PHKB: variants seen among roughly 807,000 people sequenced by gnomAD.
The protein encoded by PHKB is phosphorylase b kinase regulatory subunit beta.
Under a neutral mutation model 152.1 loss-of-function variants are expected in PHKB, and 122 were observed. The observed-to-expected ratio is 0.80, with a 90% CI of 0.69 to 0.93. The LOEUF is 0.93. Ranked by LOEUF, PHKB falls within the 40% of genes least tolerant of loss-of-function variation. PHKB has a pLI of 0.00. For synonymous variants in PHKB, 436 were observed against 464.9 expected, an observed-to-expected ratio of 0.94 and a Z score of 0.80; for missense variants, 1,304 against 1,328.4, an observed-to-expected ratio of 0.98 and a Z score of 0.29.
At chr16:47,493,169 G>A (rs1488588428) in intron 1 of PHKB, among the ~76,000 whole-genome samples, 1 of 152,122 alleles carries the variant, frequency 6.6e-6, no homozygotes, top group Non-Finnish European at 1.5e-5. Context: ...AGTTCTCTGG[G>A]GACCTCTTTA....
At chr16:47,497,274 G>A (rs1176778297) in intron 1 of PHKB, 125 bp from the exon 2 acceptor site, 2 of 684,810 alleles carry the variant, frequency 2.9e-6, no homozygotes, top group African/African-American at 3.6e-5. Flanking sequence ...AAGTAGTAAA[G>A]TATGGTACTT....
chr16:47,648,106 G>GA (rs1190581959), intron 16 of PHKB, among the ~76,000 whole-genome samples: 1 of 151,980 alleles, frequency 6.6e-6, no homozygotes, highest in African/African-American at 2.4e-5. Flanking sequence ...TATATAATCA[G>GA]AAAAAATCAA....
intron 14 of PHKB, among the ~76,000 whole-genome samples, chr16:47,636,709 G>A (rs940690195): frequency 2.0e-5 from 3 of 152,206 alleles, no homozygotes; most frequent in African/African-American, 4.8e-5. Context: ...GAGGGAGGCC[G>A]GTGGGGCTAA....
intron 7 of PHKB, among the ~76,000 whole-genome samples, chr16:47,554,829 G>A (rs1030436798): frequency 5.3e-5 from 8 of 152,108 alleles, no homozygotes; most frequent in African/African-American, 1.4e-4. Context: ...GCTTCAGCTC[G>A]CTCTCTGTGG....
intron 14 of PHKB, among the ~76,000 whole-genome samples, chr16:47,621,268 A>G (rs1859874554): frequency 6.6e-6 from 1 of 152,174 alleles, no homozygotes; most frequent in African/African-American, 2.4e-5. Context: ...GTAGGGAGTT[A>G]AAAAGGAATT....
At chr16:47,684,527 G>A (rs1973925799) in intron 26 of PHKB, among the ~76,000 whole-genome samples, 1 of 152,182 alleles carries the variant, frequency 6.6e-6, no homozygotes, top group African/African-American at 2.4e-5. Context: ...AGCACTCTGG[G>A]AGGCCAAGGT....
At chr16:47,558,798 C>T (rs991355450) in intron 7 of PHKB, among the ~76,000 whole-genome samples, 1 of 152,246 alleles carries the variant, frequency 6.6e-6, no homozygotes, top group African/African-American at 2.4e-5. Context: ...GTCTTGCCCA[C>T]CTTGGCCTCC....
intron 7 of PHKB, chr16:47,565,110 C>T: frequency 2.0e-6 from 1 of 504,242 alleles, no homozygotes; most frequent in South Asian, 1.5e-5. Flanking sequence ...CCCTCGTTTT[C>T]ATTTTCACCA....
chr16:47,543,211 G>A (rs1194157202), intron 6 of PHKB, among the ~76,000 whole-genome samples: 2 of 152,170 alleles, frequency 1.3e-5, no homozygotes, highest in Non-Finnish European at 2.9e-5. Context: ...TTAGCATGAA[G>A]GGCTGTTGGA....
At chr16:47,471,688 G>T (rs1445815674) in intron 1 of PHKB, among the ~76,000 whole-genome samples, 5 of 152,162 alleles carry the variant, frequency 3.3e-5, no homozygotes, top group Admixed American at 3.3e-4. Flanking sequence ...ACTTTTGGAA[G>T]AATATTCCTG....
chr16:47,649,296 T>G, intron 18 of PHKB, 92 bp downstream of exon 18: 1 of 787,826 alleles, frequency 1.3e-6, no homozygotes, highest in Non-Finnish European at 2.3e-6. Flanking sequence ...CAGGTATCTG[T>G]GACACTGGGT....
At chr16:47,599,965 T>C (rs1403230754) in intron 13 of PHKB, among the ~76,000 whole-genome samples, 1 of 152,224 alleles carries the variant, frequency 6.6e-6, no homozygotes, top group Non-Finnish European at 1.5e-5. Context: ...TTAAAAAGTC[T>C]TTATTCATTA....
intron 6 of PHKB, among the ~76,000 whole-genome samples, chr16:47,534,777 T>A (rs768868373): frequency 2.6e-5 from 4 of 152,256 alleles, no homozygotes; most frequent in Non-Finnish European, 5.9e-5. Flanking sequence ...AATCCTGTGC[T>A]ATGGTGCTTT....
intron 26 of PHKB, among the ~76,000 whole-genome samples, chr16:47,673,019 G>A (rs1483034354): frequency 1.3e-5 from 2 of 151,978 alleles, no homozygotes; most frequent in Admixed American, 6.6e-5. Context: ...TTCTCATTGC[G>A]AGTATTAATA....
chr16:47,565,177 C>T (rs2151684099), intron 7 of PHKB: 2 of 579,372 alleles, frequency 3.5e-6, no homozygotes, highest in Admixed American at 4.0e-5. Context: ...CTAGATTTTC[C>T]TTGGGTTTAT....
chr16:47,489,505 A>G (rs1463161024), intron 1 of PHKB, among the ~76,000 whole-genome samples: 1 of 152,174 alleles, frequency 6.6e-6, no homozygotes, highest in Non-Finnish European at 1.5e-5. Flanking sequence ...GGCTTTTTAG[A>G]TTGGTTTCGA....
intron 10 of PHKB, among the ~76,000 whole-genome samples, chr16:47,591,238 G>A (rs933345334): frequency 9.9e-5 from 15 of 151,918 alleles, no homozygotes; most frequent in African/African-American, 3.6e-4. Flanking sequence ...CCCTTCCTCA[G>A]CCCTTTCCCT....
chr16:47,567,890 A>G (rs1279069366), intron 7 of PHKB, among the ~76,000 whole-genome samples: 1 of 152,216 alleles, frequency 6.6e-6, no homozygotes, highest in Non-Finnish European at 1.5e-5. Flanking sequence ...GATGAAGCCC[A>G]GTTGATCAGG....
chr16:47,463,855 T>C, intron 1 of PHKB: 1 of 1,392,738 alleles, frequency 7.2e-7, no homozygotes, highest in African/African-American at 1.4e-5. Context: ...AATTTAACAC[T>C]GATTGCTTCT....
Sources: gnomAD v4.1 joint callset for allele counts (sites outside exome capture counted in the v4.1 genomes callset) on GRCh38, gnomAD v4.1.1 for gene constraint, MANE v1.5 for transcripts, NCBI Gene and HGNC (gene_info 2026-07-23, HGNC 2026-07-21) for gene names.